VCAN: variants seen among roughly 807,000 people sequenced by gnomAD.
VCAN encodes versican.
A neutral mutation model predicts 245.5 loss-of-function variants in VCAN; 44 were observed. The ratio of observed to expected loss-of-function variants is 0.18; its 90% CI spans 0.14 to 0.23. The LOEUF is 0.23. Ranked by LOEUF, VCAN falls within the 10% of genes least tolerant of loss-of-function variation. The probability of loss-of-function intolerance (pLI) is 1.00; values close to 1 mark genes in which losing one functional copy is unlikely to be tolerated. For synonymous variants in VCAN, 1,413 were observed against 1,437.0 expected, an observed-to-expected ratio of 0.98 and a Z score of 0.38; for missense variants, 3,793 against 4,057.9, an observed-to-expected ratio of 0.93 and a Z score of 1.77.
At chr5:83,479,552 C>G (rs540012927) in intron 1 of VCAN, among the ~76,000 whole-genome samples, 1 of 152,242 alleles carries the variant, frequency 6.6e-6, no homozygotes, top group East Asian at 1.9e-4. Flanking sequence ...TCTCATATCT[C>G]TCAGGTCTTT....
intron 5 of VCAN, among the ~76,000 whole-genome samples, chr5:83,505,951 A>G (rs913841062): frequency 1.3e-5 from 2 of 152,212 alleles, no homozygotes; most frequent in African/African-American, 4.8e-5. Context: ...CCACAGCCCA[A>G]GCTGTACACT....
chr5:83,515,979 TC>T (rs1223096548), intron 6 of VCAN, among the ~76,000 whole-genome samples: 3 of 152,228 alleles, frequency 2.0e-5, no homozygotes, highest in Non-Finnish European at 4.4e-5. Flanking sequence ...ACGCCTGTAA[TC>T]CCAGCATTTT....
intron 6 of VCAN, among the ~76,000 whole-genome samples, chr5:83,518,353 G>C (rs376957769): frequency 1.3e-5 from 2 of 152,094 alleles, no homozygotes; most frequent in Non-Finnish European, 2.9e-5. Flanking sequence ...CTTTCAACAG[G>C]CCAGGCCATT....
chr5:83,548,514 G>A (rs1167261428), intron 10 of VCAN, among the ~76,000 whole-genome samples: 2 of 152,152 alleles, frequency 1.3e-5, no homozygotes, highest in Non-Finnish European at 2.9e-5. Context: ...GAATACATTT[G>A]CTTTGGCACA....
intron 11 of VCAN, among the ~76,000 whole-genome samples, chr5:83,554,410 C>T (rs560177863): frequency 2.1e-4 from 32 of 152,262 alleles, no homozygotes; most frequent in Admixed American, 3.9e-4. Context: ...AACTTTACTG[C>T]GTGATATCCT....
chr5:83,572,573 C>G lies in VCAN; in HGVS notation c.9880+13C>G. 4 of 1,613,512 alleles carry G rather than the reference C, an allele frequency of 2.5e-6. No individual in the cohort carries two copies. Among genetic ancestry groups the G allele is most frequent in the Non-Finnish European group, 3.4e-6 (4 of 1,179,648 alleles). On this transcript the variant is annotated intron_variant, in intron 13 of 14. Transcript: ENST00000265077. ...AAGAAAGGAACAGGTAATGATCACC[C>G]TGTTAATAATGTGTACTTAATCTTC...
Position 83,519,477 on chromosome 5 carries a change from A to G in VCAN, c.1171A>G (p.Ile391Val), listed in dbSNP as rs977004112. 1.4e-5 allele frequency: 23 copies of G among 1,614,162 alleles called. No homozygotes were observed. Among genetic ancestry groups the G allele is most frequent in the Non-Finnish European group, 1.9e-5 (23 of 1,179,980 alleles). ...CCCTTTAGTTGATGAATTACCTGTC[A>G]TTCCAACAGAGTTCCCTCCCGTGGG... Reference protein sequence around the residue: ...IIPLVDELPVIPTEFPPVGNI... With the variant: ...IIPLVDELPVVPTEFPPVGNI... The change falls in exon 7 of 15, where the codon ATT becomes GTT. Residue 391 changes from isoleucine (I) to valine (V), a missense_variant. Around this residue, in one of 5 missense-constraint regions of VCAN, gnomAD observed 3,182 missense variants for 3,250.3 expected, o/e 0.98. Coordinates refer to ENST00000265077, the MANE Select transcript of VCAN (RefSeq NM_004385.5).
rs768877661 is a variant in VCAN, at chr5:83,511,570, A to AT, written c.749-518dup. Reference sequence around the variant, plus strand: ...TCTTCACATTTCTGGAGGTTTTCTTATTTTTTTTTTTTTTTATTTAATGGC... The same window carrying AT: ...TCTTCACATTTCTGGAGGTTTTCTTATTTTTTTTTTTTTTTTATTTAATGGC... On this transcript the variant is annotated intron_variant, in intron 5 of 14. Transcript: ENST00000265077. 0.019 allele frequency among the ~76,000 whole-genome samples: 2,636 copies of AT among 141,824 alleles called. 156 individuals carry two copies. In the East Asian group the frequency reaches 0.21, roughly 11 times the overall value. 93.0% of individuals were successfully genotyped at this position (141,824 alleles called of 152,430 possible). A position where few individuals can be genotyped will look rare whatever the true frequency, so the allele number is the denominator to read the frequency against.
Position 83,490,145 on chromosome 5 carries a change from G to T in VCAN, c.118G>T (p.Val40Phe), listed in dbSNP as rs763096343. ...PPVRGSLSGKVSLPCHFSTMP... is the reference protein window; with the variant it reads ...PPVRGSLSGKFSLPCHFSTMP... ...GGTGAGGGGCTCCCTCTCTGGAAAA[G>T]TCAGCCTACCTTGTCATTTTTCAAC... Residue 40 changes from valine to phenylalanine, a missense_variant, in exon 3 of 15, where the codon GTC (valine) becomes TTC (phenylalanine). Coordinates refer to ENST00000265077, the MANE Select transcript of VCAN (RefSeq NM_004385.5). The T allele has an allele frequency of 1.9e-6, 3 of 1,614,018 alleles. No homozygotes were observed. The highest frequency in any genetic ancestry group is 2.5e-6 in the Non-Finnish European group (3 of 1,180,020).
At chr5:83,564,583 T>TTTCACTTTATACACAATATATA (rs1232896074) in intron 12 of VCAN, among the ~76,000 whole-genome samples, 4 of 152,202 alleles carry the variant, frequency 2.6e-5, no homozygotes, top group African/African-American at 9.6e-5. Flanking sequence ...TGTCCTGTGT[T>TTTCACTTTATACACAATATATA]TTCACTTTAT....
intron 5 of VCAN, among the ~76,000 whole-genome samples, chr5:83,501,987 C>A (rs1041284170): frequency 6.6e-6 from 1 of 152,036 alleles, no homozygotes; most frequent in African/African-American, 2.4e-5. Context: ...TTGTTCTTTT[C>A]AGAGTATAAG....
chr5:83,481,416 T>G (rs1305722772), intron 1 of VCAN, among the ~76,000 whole-genome samples: 1 of 152,118 alleles, frequency 6.6e-6, no homozygotes, highest in African/African-American at 2.4e-5. Flanking sequence ...TAAAATACAA[T>G]CTTTTACTTT....
Position 83,581,038 on chromosome 5 carries a change from G to C in VCAN, c.*604G>C, listed in dbSNP as rs1286130021. 4.3e-5 allele frequency: 7 copies of C among 161,892 alleles called. No homozygotes were observed. The allele number at this position is 161,892 out of a possible 1,614,324, so 10.0% of individuals were successfully genotyped here. A position where few individuals can be genotyped will look rare whatever the true frequency, so the allele number is the denominator to read the frequency against. ...CCATAGGTGCAGTTTGCTTCTACAT[G>C]ATGCTAAAGGCTGCGAATGGGATCC... On this transcript the variant is annotated 3_prime_UTR_variant, in exon 15 of 15. Coordinates refer to ENST00000265077, the MANE Select transcript of VCAN (RefSeq NM_004385.5).
At chr5:83,485,549 G>C (rs1240166488) in intron 2 of VCAN, among the ~76,000 whole-genome samples, 1 of 152,130 alleles carries the variant, frequency 6.6e-6, no homozygotes, top group Non-Finnish European at 1.5e-5. Flanking sequence ...GGAAAGCAAG[G>C]GTAGCAGCAG....
chr5:83,522,985 G>A (rs1343295764), intron 7 of VCAN, among the ~76,000 whole-genome samples: 2 of 152,142 alleles, frequency 1.3e-5, no homozygotes, highest in Non-Finnish European at 2.9e-5. Context: ...TCAGAAGGTG[G>A]CTATATATTC....
intron 7 of VCAN, among the ~76,000 whole-genome samples, chr5:83,528,641 T>C (rs1746393980): frequency 1.3e-5 from 2 of 152,124 alleles, no homozygotes; most frequent in Non-Finnish European, 2.9e-5. Context: ...ATTTACCTTT[T>C]CAAAATATAC....
In VCAN at chr5:83,580,121, G is replaced by A. The variant is rs1273791906; in HGVS notation, c.10022G>A (p.Gly3341Glu). Reference sequence around the variant, plus strand: ...CACCTTCCAACTATCCGGTGCTTAGGAAATGGAAGATGGGCTATACCTAAA... The same window carrying A: ...CACCTTCCAACTATCCGGTGCTTAGAAAATGGAAGATGGGCTATACCTAAA... ...QRHLPTIRCL[G>E]NGRWAIPKIT... The change falls in exon 14 of 15, where the codon GGA becomes GAA. Residue 3341 changes from glycine (G) to glutamate (E), a missense_variant. Around this residue, in one of 5 missense-constraint regions of VCAN, gnomAD observed 205 missense variants for 321.1 expected, o/e 0.64. Coordinates refer to ENST00000265077, the MANE Select transcript of VCAN (RefSeq NM_004385.5). 1 of 1,614,054 alleles carries A rather than the reference G, an allele frequency of 6.2e-7. No individual in the cohort carries two copies. The highest frequency in any genetic ancestry group is 1.7e-5 in the Admixed American group (1 of 60,002).
At chr5:83,534,517 G>A (rs895061007) in intron 7 of VCAN, among the ~76,000 whole-genome samples, 8 of 151,824 alleles carry the variant, frequency 5.3e-5, no homozygotes, top group African/African-American at 1.5e-4. Flanking sequence ...CACCAAACAG[G>A]GTAAGTAAGA....
At chr5:83,480,184 C>A (rs560103738) in intron 1 of VCAN, among the ~76,000 whole-genome samples, 34 of 152,304 alleles carry the variant, frequency 2.2e-4, no homozygotes, top group African/African-American at 8.2e-4. Flanking sequence ...TGTCTGATCT[C>A]CTCCTTGTAT....
Sources: gnomAD v4.1 joint callset for allele counts (sites outside exome capture counted in the v4.1 genomes callset) on GRCh38, gnomAD v4.1.1 for gene constraint, gnomAD v4.1.1 regional missense constraint, MANE v1.5 for transcripts, NCBI Gene and HGNC (gene_info 2026-07-23, HGNC 2026-07-21) for gene names.